The following CDH18 variants were observed in gnomAD, a reference collection of about 807,000 sequenced individuals.
The protein encoded by CDH18 is cadherin 18, also known as cadherin-18.
A neutral mutation model predicts 67.9 loss-of-function variants in CDH18; 31 were observed. The ratio of observed to expected loss-of-function variants is 0.46; its 90% confidence interval spans 0.34 to 0.62. The LOEUF (loss-of-function observed/expected upper bound fraction) is 0.62, where lower values mean the gene tolerates loss of function less well. Among genes scored for constraint, CDH18 ranks in the 20% least tolerant of loss-of-function variants. The pLI is 0.01. For missense variants in CDH18, 890 were observed against 975.5 expected, an observed-to-expected ratio of 0.91 and a Z score of 1.17; for synonymous variants, 362 against 347.2, an observed-to-expected ratio of 1.04 and a Z score of -0.48.
chr5:20,376,134 C>T (rs1384229836), intron 1 of CDH18, among the ~76,000 whole-genome samples: 1 of 38,174 alleles, frequency 2.6e-5, no homozygotes, highest in African/African-American at 6.2e-5. Flanking sequence ...CCCTCTGTCA[C>T]CCAGGCTGGA....
intron 2 of CDH18, among the ~76,000 whole-genome samples, chr5:20,031,642 G>GA (rs1053821072): frequency 1.8e-4 from 27 of 151,596 alleles, no homozygotes; most frequent in African/African-American, 6.1e-4. Flanking sequence ...TTGTATTTTT[G>GA]AAAAAAACAA....
intron 1 of CDH18, among the ~76,000 whole-genome samples, chr5:20,430,577 T>C (rs1748661206): frequency 6.6e-6 from 1 of 152,356 alleles, no homozygotes; most frequent in South Asian, 2.1e-4. Context: ...AACCCAGATT[T>C]AATTTATATC....
Position 19,808,832 on chromosome 5 carries a change from CAAAAAAAAA to C in CDH18, c.228+29918_228+29926del, listed in dbSNP as rs1173922790. 7.4e-5 allele frequency among the ~76,000 whole-genome samples: 4 copies of C among 53,942 alleles called. No homozygotes were observed. The South Asian group carries it at 3.7e-3, about 51-fold the overall frequency. 35.4% of individuals were successfully genotyped at this position (53,942 alleles called of 152,430 possible). On this transcript the variant is annotated intron_variant, in intron 3 of 12. Coordinates refer to ENST00000382275, the MANE Select transcript of CDH18 (RefSeq NM_004934.5). ...GGGTGACAAGAGCGAAACTCTGTCT[CAAAAAAAAA>C]AAAAAAAAAAAAAAGGAAAAGAAAT...
At chr5:19,917,300 TTCCTTACG>T (rs1357882422) in intron 2 of CDH18, among the ~76,000 whole-genome samples, 1 of 152,158 alleles carries the variant, frequency 6.6e-6, no homozygotes, top group African/African-American at 2.4e-5. Context: ...TATTCTGGGC[TTCCTTACG>T]TTCTCCTCCT....
At chr5:20,491,769 A>G in intron 1 of CDH18, among the ~76,000 whole-genome samples, 1 of 152,152 alleles carries the variant, frequency 6.6e-6, no homozygotes, top group East Asian at 1.9e-4. Context: ...TATCATCCAA[A>G]AACACTTTCG....
chr5:20,424,122 CTAATAA>C (rs1387114560), intron 1 of CDH18, among the ~76,000 whole-genome samples: 1 of 150,192 alleles, frequency 6.7e-6, no homozygotes, highest in Non-Finnish European at 1.5e-5. Context: ...CACAAAGAAT[CTAATAA>C]TAAGAGTTCT....
intron 2 of CDH18, among the ~76,000 whole-genome samples, chr5:20,018,889 G>A (rs928626138): frequency 7.0e-6 from 1 of 142,690 alleles, no homozygotes; most frequent in Non-Finnish European, 1.5e-5. Context: ...CCGCCTCCCG[G>A]GTTCACGCCA....
intron 1 of CDH18, among the ~76,000 whole-genome samples, chr5:19,987,533 G>T (rs1009935404): frequency 6.7e-6 from 1 of 149,866 alleles, no homozygotes. Context: ...GGATTCGTGG[G>T]AAGAAAAAAA....
At chr5:20,351,479 G>T (rs1183205979) in intron 1 of CDH18, among the ~76,000 whole-genome samples, 1 of 152,034 alleles carries the variant, frequency 6.6e-6, no homozygotes, top group African/African-American at 2.4e-5. Flanking sequence ...AGAGGCTGAA[G>T]ATTTTGTTTT....
intron 5 of CDH18, among the ~76,000 whole-genome samples, chr5:19,639,369 G>A (rs889862985): frequency 1.3e-5 from 2 of 152,126 alleles, no homozygotes; most frequent in Admixed American, 6.5e-5. Context: ...AAGAGTAGAG[G>A]TTATTAGTAG....
intron 1 of CDH18, among the ~76,000 whole-genome samples, chr5:20,561,373 A>G (rs1758199457): frequency 6.6e-6 from 1 of 152,138 alleles, no homozygotes; most frequent in Admixed American, 6.6e-5. Flanking sequence ...TCAATAATTG[A>G]GTGGAAAAAT....
At chr5:20,344,392 G>A (rs570024355) in intron 1 of CDH18, among the ~76,000 whole-genome samples, 1 of 152,190 alleles carries the variant, frequency 6.6e-6, no homozygotes, top group African/African-American at 2.4e-5. Context: ...AAGATAAGGG[G>A]CATCCAGTAT....
chr5:20,469,965 G>A (rs1751933463), intron 1 of CDH18, among the ~76,000 whole-genome samples: 1 of 152,074 alleles, frequency 6.6e-6, no homozygotes, highest in African/African-American at 2.4e-5. Context: ...AACTCCTCCA[G>A]ACACTCAGTC....
intron 1 of CDH18, among the ~76,000 whole-genome samples, chr5:19,987,605 G>A (rs1799702738): frequency 6.6e-6 from 1 of 151,388 alleles, no homozygotes; most frequent in Admixed American, 6.6e-5. Flanking sequence ...CAGAAATCAC[G>A]TAATTTTAGA....
At position 20,559,995 on chromosome 5, in the gene CDH18, T is replaced by C. The variant is rs567859642; in HGVS notation, c.-580+15467A>G. On this transcript the variant is annotated intron_variant, in intron 1 of 14. Coordinates refer to the CDH18 transcript ENST00000507958. ...GTTGATTCATCACCTCTTTCACTCATAGGGTTGATCACTGCAAATGACTTT... is the reference window on the plus strand; with the variant it reads ...GTTGATTCATCACCTCTTTCACTCACAGGGTTGATCACTGCAAATGACTTT... Among the ~76,000 whole-genome samples, 10 of 152,218 alleles carry C rather than the reference T, an allele frequency of 6.6e-5. 1 individual carries two copies. The South Asian group carries it at 8.3e-4, about 13-fold the overall frequency.
At chr5:19,513,968 A>G (rs890472821) in intron 10 of CDH18, among the ~76,000 whole-genome samples, 3 of 151,956 alleles carry the variant, frequency 2.0e-5, no homozygotes, top group Non-Finnish European at 4.4e-5. Context: ...TTTACATTAG[A>G]TATTTCTCTT....
intron 2 of CDH18, among the ~76,000 whole-genome samples, chr5:20,006,045 A>G (rs1334196876): frequency 6.6e-6 from 1 of 152,028 alleles, no homozygotes; most frequent in Non-Finnish European, 1.5e-5. Context: ...TCAAATCAAT[A>G]TTAAATTCAA....
chr5:20,250,555 T>A (rs1743767387), intron 2 of CDH18, among the ~76,000 whole-genome samples: 1 of 143,524 alleles, frequency 7.0e-6, no homozygotes, highest in African/African-American at 2.6e-5. Context: ...CCTCCTAAAG[T>A]GCTGGGATTA....
intron 2 of CDH18, among the ~76,000 whole-genome samples, chr5:20,199,307 C>T (rs1739249300): frequency 6.6e-6 from 1 of 152,202 alleles, no homozygotes; most frequent in South Asian, 2.1e-4. Context: ...AAACCCACCT[C>T]TTGCATCAAC....
Sources: gnomAD v4.1 joint callset for allele counts (sites outside exome capture counted in the v4.1 genomes callset) on GRCh38, gnomAD v4.1.1 for gene constraint, MANE v1.5 for transcripts, NCBI Gene and HGNC (gene_info 2026-07-23, HGNC 2026-07-21) for gene names.